MRPL22: variants seen among roughly 807,000 people sequenced by gnomAD.
The protein encoded by MRPL22 is large ribosomal subunit protein uL22m.
In MRPL22, 27 loss-of-function variants were observed where a neutral mutation model predicts 32.4. The ratio of observed to expected loss-of-function variants is 0.83; its 90% confidence interval spans 0.61 to 1.15. The LOEUF is 1.15. MRPL22 is among the 50% of genes most tolerant of loss of function. The pLI is 0.00. For missense variants in MRPL22, 239 were observed against 260.2 expected, an observed-to-expected ratio of 0.92 and a Z score of 0.56; for synonymous variants, 86 against 87.3, an observed-to-expected ratio of 0.99 and a Z score of 0.08.
At chr5:154,944,132 A>G (rs1372875999) in intron 2 of MRPL22, among the ~76,000 whole-genome samples, 1 of 152,094 alleles carries the variant, frequency 6.6e-6, no homozygotes, top group Non-Finnish European at 1.5e-5. Flanking sequence ...TAAGTTTTGT[A>G]TTTTTAGTAG....
chr5:154,948,554 CTA>C (rs1175213910), intron 2 of MRPL22, among the ~76,000 whole-genome samples: 1 of 152,158 alleles, frequency 6.6e-6, no homozygotes, highest in African/African-American at 2.4e-5. Context: ...TATTTTGAAT[CTA>C]GGGGCTTGAG....
rs1764781964 is a variant in MRPL22 at position 154,967,196 on chromosome 5, A to G, written c.*299A>G. ...GTTAACTTTCCAACTAGTGTCCTGC[A>G]GGTGGCTGTTTTGATACTGGACTTG... On this transcript the variant is annotated 3_prime_UTR_variant, in exon 7 of 7. Coordinates refer to ENST00000523037, the MANE Select transcript of MRPL22 (RefSeq NM_014180.4). The surrounding 1 kb of genome is among the most constrained non-coding windows in gnomAD (Gnocchi z 4.7). The G allele has an allele frequency of 2.8e-6, 1 of 353,752 alleles. No homozygotes were observed. Among genetic ancestry groups the G allele is most frequent in the Non-Finnish European group, 5.2e-6 (1 of 191,610 alleles). The allele number at this position is 353,752 out of a possible 1,614,324, so 21.9% of individuals were successfully genotyped here.
At chr5:154,947,138 G>A (rs375213818) in intron 2 of MRPL22, among the ~76,000 whole-genome samples, 3 of 152,106 alleles carry the variant, frequency 2.0e-5, no homozygotes, top group African/African-American at 7.2e-5. Context: ...TATTTTACTT[G>A]CATTTGAGCT....
At chr5:154,964,044 A>G (rs763382181) in intron 6 of MRPL22, among the ~76,000 whole-genome samples, 2 of 152,224 alleles carry the variant, frequency 1.3e-5, no homozygotes, top group African/African-American at 2.4e-5. Context: ...GATTGGGCCT[A>G]TATTCCAGAG....
At chr5:154,960,932 A>C (rs544532904) in intron 6 of MRPL22, among the ~76,000 whole-genome samples, 60 of 152,370 alleles carry the variant, frequency 3.9e-4, no homozygotes, top group Admixed American at 8.5e-4. Context: ...TTTTACTTAA[A>C]GCTATTTTAA....
intron 6 of MRPL22, among the ~76,000 whole-genome samples, chr5:154,964,491 T>TATGTTCTAAGTCCTGATTTC (rs1764741943): frequency 1.3e-5 from 2 of 152,220 alleles, no homozygotes; most frequent in Admixed American, 1.3e-4. Flanking sequence ...GTTTGGCAAC[T>TATGTTCTAAGTCCTGATTTC]ATGTTCTAAG....
intron 6 of MRPL22, among the ~76,000 whole-genome samples, chr5:154,963,186 G>C (rs1436708795): frequency 6.6e-6 from 1 of 152,140 alleles, no homozygotes; most frequent in Non-Finnish European, 1.5e-5. Flanking sequence ...TGATCCACCT[G>C]CCTCGGCCTC....
chr5:154,946,538 G>A (rs746828461), intron 2 of MRPL22, among the ~76,000 whole-genome samples: 2 of 152,106 alleles, frequency 1.3e-5, no homozygotes, highest in Non-Finnish European at 2.9e-5. Context: ...AGAAACACGG[G>A]TGTGGTGGCT....
At chr5:154,951,007 TTTA>T (rs774567752) in intron 3 of MRPL22, 69 bp downstream of exon 3, 4 of 1,007,476 alleles carry the variant, frequency 4.0e-6, no homozygotes, top group Non-Finnish European at 6.0e-6. Context: ...TTAGTAATGA[TTTA>T]TTATTCTGTG....
chr5:154,963,272 C>T (rs965798892), intron 6 of MRPL22, among the ~76,000 whole-genome samples: 2 of 152,148 alleles, frequency 1.3e-5, no homozygotes, highest in African/African-American at 4.8e-5. Context: ...ATTCATTACA[C>T]CTATTGGGTA....
chr5:154,948,175 T>TA (rs1407738870), intron 2 of MRPL22, among the ~76,000 whole-genome samples: 1 of 152,212 alleles, frequency 6.6e-6, no homozygotes, highest in Non-Finnish European at 1.5e-5. Flanking sequence ...CTTCAACACT[T>TA]ACTACTTATG....
In MRPL22 at chr5:154,966,707, G is replaced by A. The variant is rs199671103; in HGVS notation, c.431G>A (p.Gly144Asp). The change falls in exon 7 of 7, where the codon GGC becomes GAC. Residue 144 changes from glycine to aspartate, a missense_variant. Physicochemically the swap from Gly to Asp is moderately conservative, Grantham distance 94. Coordinates refer to ENST00000523037, the MANE Select transcript of MRPL22 (RefSeq NM_014180.4). ...LYIAESTSGR[G>D]QCLKRIRYHG... is the part of the protein sequence containing the mutation. ...TTAGCTGAGTCCACCTCAGGACGAGGCCAGTGCCTGAAACGCATCCGCTAC... is the reference window on the plus strand; with the variant it reads ...TTAGCTGAGTCCACCTCAGGACGAGACCAGTGCCTGAAACGCATCCGCTAC... 20 of 1,613,986 alleles carry A rather than the reference G, an allele frequency of 1.2e-5. 1 individual carries two copies. In the East Asian group the frequency reaches 4.5e-4, roughly 36 times the overall value.
rs1301837432 is a variant in MRPL22, at chr5:154,956,447, A to G, written c.261+11A>G. 3.8e-6 allele frequency: 6 copies of G among 1,567,846 alleles called. No individual in the cohort carries two copies. In the Middle Eastern group the frequency reaches 6.7e-4, roughly 175 times the overall value. ...TATTTGGCAAAATTGGTAAGCTGCA[A>G]TGACTATTACCATATAATTAATAAT... On this transcript the variant is annotated intron_variant, in intron 4 of 6. Transcript: ENST00000523037.
chr5:154,949,601 A>G (rs1293992936), intron 2 of MRPL22, among the ~76,000 whole-genome samples: 2 of 152,180 alleles, frequency 1.3e-5, no homozygotes, highest in Non-Finnish European at 2.9e-5. Context: ...TATCTGTAAG[A>G]TTTGGTGACT....
chr5:154,947,255 A>T (rs924456203), intron 2 of MRPL22, among the ~76,000 whole-genome samples: 1 of 152,178 alleles, frequency 6.6e-6, no homozygotes, highest in Non-Finnish European at 1.5e-5. Flanking sequence ...AGTAAATTAG[A>T]GTTAGGATTT....
intron 6 of MRPL22, 75 bp from the exon 7 acceptor site, chr5:154,966,611 G>GACA: frequency 6.7e-7 from 1 of 1,483,912 alleles, no homozygotes; most frequent in South Asian, 1.2e-5. Context: ...GTCAAGGAAA[G>GACA]GACAGAAATT....
At chr5:154,951,792 G>A (rs1159117489) in intron 3 of MRPL22, among the ~76,000 whole-genome samples, 3 of 151,540 alleles carry the variant, frequency 2.0e-5, no homozygotes, top group Middle Eastern at 3.4e-3. Flanking sequence ...TAAATGAAAC[G>A]TTACACAATT....
intron 4 of MRPL22, chr5:154,956,643 G>T (rs1489713851): frequency 2.0e-6 from 1 of 509,494 alleles, no homozygotes; most frequent in Non-Finnish European, 3.4e-6. Flanking sequence ...AATCACATTG[G>T]ATAGATAGAT....
intron 4 of MRPL22, chr5:154,956,871 T>A: frequency 2.4e-6 from 1 of 415,726 alleles, no homozygotes; most frequent in East Asian, 4.2e-5. Context: ...GTGTGGTTGT[T>A]ACCAACCTGT....
Sources: allele counts gnomAD v4.1 joint callset (sites outside exome capture counted in the v4.1 genomes callset), GRCh38; gene constraint gnomAD v4.1.1; non-coding constraint Gnocchi (gnomAD v3.1); transcripts MANE v1.5; gene names NCBI Gene and HGNC (gene_info 2026-07-23, HGNC 2026-07-21).